DROSHA: variants seen among roughly 807,000 people sequenced by gnomAD.
The protein encoded by DROSHA is ribonuclease 3.
In DROSHA, 56 loss-of-function variants were observed where a neutral mutation model predicts 181.9. That is an observed-to-expected ratio of 0.31 (90% CI 0.25 to 0.38). The LOEUF is 0.38. Ranked by LOEUF, DROSHA falls within the 10% of genes least tolerant of loss-of-function variation. DROSHA has a pLI of 1.00. For missense variants in DROSHA, 1,218 were observed against 1,743.5 expected (o/e 0.70, Z 5.37); for synonymous variants, 524 against 591.2 (o/e 0.89, Z 1.65).
At chr5:31,438,539 C>G (rs532573179) in intron 23 of DROSHA, among the ~76,000 whole-genome samples, 4 of 152,032 alleles carry the variant, frequency 2.6e-5, no homozygotes, top group African/African-American at 9.6e-5. Context: ...GGAGTGGTGC[C>G]GTTTACTGTG....
chr5:31,507,210 C>T (rs1159341181), intron 10 of DROSHA, among the ~76,000 whole-genome samples: 2 of 152,156 alleles, frequency 1.3e-5, no homozygotes, highest in African/African-American at 4.8e-5. Context: ...CCTGTAATCC[C>T]AGCACTTTGG....
chr5:31,477,860 A>T (rs1186462698), intron 16 of DROSHA, among the ~76,000 whole-genome samples: 1 of 152,240 alleles, frequency 6.6e-6, no homozygotes, highest in Non-Finnish European at 1.5e-5. Flanking sequence ...AAAAATTTTA[A>T]ATCTCAATAA....
intron 16 of DROSHA, among the ~76,000 whole-genome samples, chr5:31,473,574 T>C (rs1469904253): frequency 6.6e-6 from 1 of 152,198 alleles, no homozygotes; most frequent in Non-Finnish European, 1.5e-5. Flanking sequence ...CTGAAGCTTC[T>C]ACTGCAGTAG....
At chr5:31,513,177 G>A (rs1738884393) in intron 8 of DROSHA, among the ~76,000 whole-genome samples, 1 of 152,180 alleles carries the variant, frequency 6.6e-6, no homozygotes, top group Non-Finnish European at 1.5e-5. Context: ...CTAGAAGAAT[G>A]CTCACCCAAC....
In DROSHA at chr5:31,492,248, CATTAGGAAAACA is replaced by C. The variant is rs570251337; in HGVS notation, c.1842+947_1842+958del. ...AAATACTGTGAAATAAAGAAAATCT[CATTAGGAAAACA>C]ATTTGTCCTAAATTAGCATCACTGC... On this transcript the variant is annotated intron_variant, in intron 13 of 35. Transcript: ENST00000344624. Among the ~76,000 whole-genome samples the C allele has an allele frequency of 2.0e-5, 3 of 152,260 alleles. No homozygotes were observed. The East Asian group carries it at 5.8e-4, about 29-fold the overall frequency.
At chr5:31,428,518 A>T (rs1203258286) in intron 27 of DROSHA, among the ~76,000 whole-genome samples, 1 of 152,260 alleles carries the variant, frequency 6.6e-6, no homozygotes, top group African/African-American at 2.4e-5. Context: ...ATCTGTAGAT[A>T]ATCTTCCCAT....
chr5:31,447,556 C>T (rs1746461939), intron 23 of DROSHA, among the ~76,000 whole-genome samples: 1 of 152,010 alleles, frequency 6.6e-6, no homozygotes, highest in East Asian at 1.9e-4. Flanking sequence ...AGGACGTCAT[C>T]AAGAGAGAGA....
intron 22 of DROSHA, 68 bp downstream of exon 22, chr5:31,449,213 G>A (rs1397852967): frequency 4.8e-5 from 76 of 1,584,540 alleles, no homozygotes; most frequent in Non-Finnish European, 6.3e-5. Context: ...TCCTAGAGGC[G>A]AAATAATTTA....
intron 16 of DROSHA, among the ~76,000 whole-genome samples, chr5:31,481,366 A>G (rs1457947260): frequency 6.6e-6 from 1 of 152,264 alleles, no homozygotes; most frequent in Non-Finnish European, 1.5e-5. Context: ...GAAATCTCAC[A>G]AAGTAAATAT....
At position 31,448,588 on chromosome 5, in the gene DROSHA, A is replaced by G; in HGVS notation, c.2841T>C (p.Asn947=). The change falls in exon 23 of 36, where the codon AAT becomes AAC. Residue 947 remains asparagine (N), a synonymous_variant. Coordinates refer to ENST00000344624, the MANE Select transcript of DROSHA (RefSeq NM_001382508.1). ...MRKKGINTLI[N]IMSRLGQDDP... is the part of the protein sequence containing the mutation. The stretch of plus-strand genomic sequence containing the variant: ...CATCTTGGCCAAGGCGTGACATGAT[A>G]TTTATCAAGGTGTTAATCCCTATTT... 6.2e-7 allele frequency: 1 copy of G among 1,613,634 alleles called. No individual in the cohort carries two copies. The highest frequency in any genetic ancestry group is 8.5e-7 in the Non-Finnish European group (1 of 1,179,692).
intron 20 of DROSHA, among the ~76,000 whole-genome samples, chr5:31,456,947 T>C (rs1050727845): frequency 3.9e-5 from 6 of 152,128 alleles, no homozygotes; most frequent in Admixed American, 3.9e-4. Flanking sequence ...TCCTCCTGCC[T>C]TGACCTTCCA....
chr5:31,484,086 C>G (rs1751394166), intron 15 of DROSHA, among the ~76,000 whole-genome samples: 1 of 152,050 alleles, frequency 6.6e-6, no homozygotes, highest in South Asian at 2.1e-4. Context: ...CGGATACTTC[C>G]AACCGCTGGG....
intron 23 of DROSHA, among the ~76,000 whole-genome samples, chr5:31,445,738 T>C (rs1374902773): frequency 6.6e-6 from 1 of 152,200 alleles, no homozygotes; most frequent in African/African-American, 2.4e-5. Flanking sequence ...CACCATTTCA[T>C]GATAAAAACA....
chr5:31,474,395 C>G (rs562579892), intron 16 of DROSHA, among the ~76,000 whole-genome samples: 1 of 151,902 alleles, frequency 6.6e-6, no homozygotes, highest in Non-Finnish European at 1.5e-5. Flanking sequence ...GATTCAGGGT[C>G]TCTGTCATCC....
chr5:31,531,982 C>T lies in DROSHA; in HGVS notation c.-250+8G>A. 4.3e-6 allele frequency: 1 copy of T among 234,416 alleles called. No homozygotes were observed. Among genetic ancestry groups the T allele is most frequent in the East Asian group, 1.6e-4 (1 of 6,312 alleles). The allele number at this position is 234,416 out of a possible 1,614,324, so 14.5% of individuals were successfully genotyped here. On this transcript the variant is annotated splice_region_variant and intron_variant, in intron 1 of 35. Transcript: ENST00000344624. ...TCTCTTCTAACACTTGCAAGGTACC[C>T]CTTTTACCTATAAAAGGCTCTCGGG...
intron 8 of DROSHA, among the ~76,000 whole-genome samples, chr5:31,511,595 A>C (rs1738685313): frequency 6.6e-6 from 1 of 152,022 alleles, no homozygotes; most frequent in African/African-American, 2.4e-5. Context: ...CTGGGAGGCT[A>C]AGGCAGGAGA....
rs1739027612 is a variant in DROSHA, at chr5:31,514,252, C to CAT, written c.1290+735_1290+736insAT. Among the ~76,000 whole-genome samples, 1 of 150,662 alleles carries CAT rather than the reference C, an allele frequency of 6.6e-6. No individual in the cohort carries two copies. The highest frequency in any genetic ancestry group is 1.9e-4 in the East Asian group (1 of 5,178). On this transcript the variant is annotated intron_variant, in intron 8 of 35. Coordinates refer to ENST00000344624, the MANE Select transcript of DROSHA (RefSeq NM_001382508.1). The surrounding 1 kb of genome is among the most constrained non-coding windows in gnomAD (Gnocchi z 4.4). ...AAACACACACACACACACACACACACACACACACATACACATACACACTAC... is the reference window on the plus strand; with the variant it reads ...AAACACACACACACACACACACACACATACACACACATACACATACACACTAC...
intron 9 of DROSHA, among the ~76,000 whole-genome samples, chr5:31,510,675 C>G (rs1248427332): frequency 1.3e-5 from 2 of 152,206 alleles, no homozygotes; most frequent in African/African-American, 4.8e-5. Context: ...CTCATCAAAC[C>G]AGGCGCACCT....
In DROSHA at chr5:31,440,202, A is replaced by G. The variant is rs537180009; in HGVS notation, c.2883-2904T>C. Among the ~76,000 whole-genome samples the G allele has an allele frequency of 2.0e-5, 3 of 152,280 alleles. No individual in the cohort carries two copies. In the East Asian group the frequency reaches 5.8e-4, roughly 29 times the overall value. ...ACAGTCAACTGGGAGGCCGACCCTA[A>G]GTACTGGAGCTGCCAGGGGTGCGGG... On this transcript the variant is annotated intron_variant, in intron 23 of 35. Coordinates refer to ENST00000344624, the MANE Select transcript of DROSHA (RefSeq NM_001382508.1).
Sources: allele counts gnomAD v4.1 joint callset (sites outside exome capture counted in the v4.1 genomes callset), GRCh38; gene constraint gnomAD v4.1.1; non-coding constraint Gnocchi (gnomAD v3.1); transcripts MANE v1.5; gene names NCBI Gene and HGNC (gene_info 2026-07-23, HGNC 2026-07-21).